Variants in PLOD1 observed in about 807,000 individuals in gnomAD.
PLOD1 encodes procollagen-lysine,2-oxoglutarate 5-dioxygenase 1.
PLOD1 carries 70 observed loss-of-function variants against 94.7 expected under a neutral mutation model. That is an observed-to-expected ratio of 0.74 (90% CI 0.61 to 0.90). PLOD1 has a LOEUF of 0.90. Among genes scored for constraint, PLOD1 ranks in the 40% least tolerant of loss-of-function variants. PLOD1 has a pLI of 0.00. For missense variants in PLOD1, 905 were observed against 972.7 expected (o/e 0.93, Z 0.93); for synonymous variants, 417 against 400.2 (o/e 1.04, Z -0.50).
At chr1:11,965,338 T>C in intron 13 of PLOD1, 142 bp from the exon 14 acceptor site, 1 of 663,062 alleles carries the variant, frequency 1.5e-6, no homozygotes, top group Admixed American at 2.1e-5. Context: ...TAGCGGTGAC[T>C]GCACTTGGTC....
chr1:11,947,832 T>G, intron 1 of PLOD1, 144 bp from the exon 2 acceptor site: 1 of 674,076 alleles, frequency 1.5e-6, no homozygotes, highest in South Asian at 1.7e-5. Context: ...TCTATCATCC[T>G]TTCTTCCCTG....
At chr1:11,950,650 G>C (rs892963663) in intron 4 of PLOD1, 130 bp downstream of exon 4, 3 of 770,532 alleles carry the variant, frequency 3.9e-6, no homozygotes, top group African/African-American at 1.7e-5. Flanking sequence ...CCTGAATAGA[G>C]CTCCTGACTT....
Position 11,964,232 on chromosome 1 carries a change from G to T in PLOD1, c.1260G>T (p.Gly420=). 1 of 1,613,718 alleles carries T rather than the reference G, an allele frequency of 6.2e-7. No individual in the cohort carries two copies. Among genetic ancestry groups the T allele is most frequent in the Non-Finnish European group, 8.5e-7 (1 of 1,179,898 alleles). Residue 420 remains glycine, a synonymous_variant, in exon 12 of 19, where the codon GGG becomes GGT. Coordinates refer to ENST00000196061, the MANE Select transcript of PLOD1 (RefSeq NM_000302.4). ...GGAGGCTGTGGTCGAACTTCTGGGG[G>T]GCTCTCAGTGCAGATGGCTACTATG... The part of the protein sequence containing the change: ...RHGRLWSNFW[G]ALSADGYYAR...
intron 1 of PLOD1, among the ~76,000 whole-genome samples, chr1:11,941,899 G>T (rs933314948): frequency 2.0e-5 from 3 of 152,036 alleles, no homozygotes; most frequent in Non-Finnish European, 4.4e-5. Context: ...GGCCAGGTGG[G>T]ACTTGAATTC....
At chr1:11,946,848 T>C (rs758919737) in intron 1 of PLOD1, among the ~76,000 whole-genome samples, 2 of 152,244 alleles carry the variant, frequency 1.3e-5, no homozygotes, top group African/African-American at 2.4e-5. Flanking sequence ...TTCTGCAGGC[T>C]GTACAAGCAT....
rs2273285 is a variant in PLOD1, at chr1:11,950,412, G to T, written c.358G>T (p.Ala120Ser). The change falls in exon 4 of 19, where the codon GCC becomes TCC. Residue 120 changes from alanine to serine, a missense_variant. Ala to Ser is a moderately conservative substitution (Grantham distance 99). Coordinates refer to ENST00000196061, the MANE Select transcript of PLOD1 (RefSeq NM_000302.4). ...PRELLKKFRQ[A>S]RSQVVFSAEE... ...GGAGCTCCTGAAGAAGTTCCGGCAG[G>T]CCAGGAGCCAGGTGGTCTTCTCTGC... The T allele has an allele frequency of 0.09, 144,992 of 1,613,908 alleles. 8,364 individuals carry two copies. The highest frequency in any genetic ancestry group is 0.29 in the African/African-American group (21,499 of 74,986).
intron 4 of PLOD1, among the ~76,000 whole-genome samples, chr1:11,951,112 A>G (rs1379441848): frequency 2.6e-5 from 4 of 151,808 alleles, no homozygotes; most frequent in East Asian, 1.9e-4. Context: ...CCTACTTCCT[A>G]AAGATCTCTG....
chr1:11,964,658 T>C lies in PLOD1; in HGVS notation c.1343T>C (p.Val448Ala). The C allele has an allele frequency of 6.2e-7, 1 of 1,613,172 alleles. No individual in the cohort carries two copies. Among genetic ancestry groups the C allele is most frequent in the Non-Finnish European group, 8.5e-7 (1 of 1,179,990 alleles). ...VQGRRVGVWNVPYISNIYLIK... is the reference protein window; with the variant it reads ...VQGRRVGVWNAPYISNIYLIK... Reference sequence around the variant, plus strand: ...CTCTCCCACAGTGGTGTCTGGAATGTGCCCTATATTTCAAACATCTACTTG... The same window carrying C: ...CTCTCCCACAGTGGTGTCTGGAATGCGCCCTATATTTCAAACATCTACTTG... Residue 448 changes from valine to alanine, a missense_variant, in exon 13 of 19, where the codon GTG becomes GCG. Val to Ala is a moderately conservative substitution (Grantham distance 64, BLOSUM62 0). Transcript: ENST00000196061.
In PLOD1 at chr1:11,958,543, G is replaced by C. The variant is rs776772692; in HGVS notation, c.871G>C (p.Gly291Arg). ...GDEALPTVLV[G>R]VFIEQPTPFV... Reference sequence around the variant, plus strand: ...TGAAGCTCTGCCCACGGTCCTGGTCGGCGTGTTCATCGAACAGCCCACGCC... The same window carrying C: ...TGAAGCTCTGCCCACGGTCCTGGTCCGCGTGTTCATCGAACAGCCCACGCC... Residue 291 changes from glycine to arginine, a missense_variant, in exon 9 of 19, where the codon GGC becomes CGC. Gly to Arg is a moderately radical substitution (Grantham distance 125). Transcript: ENST00000196061. This position sits in a 1 kb window ranked among gnomAD's most constrained non-coding sequence, Gnocchi z 4.3. The C allele has an allele frequency of 6.2e-7, 1 of 1,613,678 alleles. No individual in the cohort carries two copies. The highest frequency in any genetic ancestry group is 1.3e-5 in the African/African-American group (1 of 74,880).
chr1:11,953,289 C>G (rs890826680), intron 5 of PLOD1, among the ~76,000 whole-genome samples: 1 of 151,742 alleles, frequency 6.6e-6, no homozygotes, highest in Non-Finnish European at 1.5e-5. Context: ...CTCCTGTCCT[C>G]AGGTGATTTA....
intron 2 of PLOD1, 79 bp downstream of exon 2, chr1:11,948,146 C>A: frequency 1.0e-6 from 1 of 983,238 alleles, no homozygotes; most frequent in Non-Finnish European, 1.7e-6. Flanking sequence ...TCCAAACTAC[C>A]ACGTCTCTTA....
At chr1:11,936,273 AGT>A (rs1450328931) in intron 1 of PLOD1, among the ~76,000 whole-genome samples, 3 of 151,982 alleles carry the variant, frequency 2.0e-5, no homozygotes, top group African/African-American at 7.2e-5. Context: ...ATTGGATTGC[AGT>A]GTGTGCCCCA....
chr1:11,952,413 T>C (rs1364443444), intron 4 of PLOD1, among the ~76,000 whole-genome samples: 1 of 152,208 alleles, frequency 6.6e-6, no homozygotes, highest in Non-Finnish European at 1.5e-5. Context: ...CTTGGGGTCA[T>C]TAGGAACTCA....
intron 1 of PLOD1, 92 bp downstream of exon 1, chr1:11,934,947 C>T: frequency 6.9e-7 from 1 of 1,439,900 alleles, no homozygotes; most frequent in East Asian, 2.8e-5. Flanking sequence ...AATGGGAGGC[C>T]TGGGCTGGAG....
chr1:11,969,361 C>T (rs1014249351), intron 16 of PLOD1, among the ~76,000 whole-genome samples: 5 of 152,112 alleles, frequency 3.3e-5, no homozygotes, highest in Admixed American at 2.6e-4. Flanking sequence ...CACATGAGAC[C>T]CTGGACCTGT....
chr1:11,945,476 C>T (rs370775053), intron 1 of PLOD1, among the ~76,000 whole-genome samples: 65 of 151,802 alleles, frequency 4.3e-4, no homozygotes, highest in African/African-American at 1.4e-3. Context: ...CAGAGGGAGC[C>T]ATGGTCCCTT....
chr1:11,964,327 T>TGGTTCCCGGGGGGGGGGGGGGGGGGG, intron 12 of PLOD1, 27 bp downstream of exon 12: 1 of 546,372 alleles, frequency 1.8e-6, no homozygotes, highest in East Asian at 4.8e-5. Context: ...TGGGGGTGGG[T>TGGTTCCCGGGGGGGGGGGGGGGGGGG]GGGGGACACC....
intron 18 of PLOD1, 77 bp downstream of exon 18, chr1:11,973,074 G>A: frequency 6.3e-7 from 1 of 1,576,604 alleles, no homozygotes; most frequent in South Asian, 1.1e-5. Flanking sequence ...CTTCAGGGTG[G>A]TTGAGGCAGA....
chr1:11,949,841 G>C lies in PLOD1; in HGVS notation c.237G>C (p.Arg79=). The change falls in exon 3 of 19, where the codon CGG becomes CGC. Residue 79 remains arginine, a synonymous_variant. Transcript: ENST00000196061. ...GTSAGGGQKV[R]LLKKALEKHA... ...CGGCAGGTGGAGGGCAGAAGGTCCG[G>C]CTGCTGAAGAAAGCTCTGGAGAAGC... The C allele has an allele frequency of 6.2e-7, 1 of 1,613,998 alleles. No homozygotes were observed. The highest frequency in any genetic ancestry group is 8.5e-7 in the Non-Finnish European group (1 of 1,179,870).
Sources: allele counts gnomAD v4.1 joint callset (sites outside exome capture counted in the v4.1 genomes callset), GRCh38; gene constraint gnomAD v4.1.1; non-coding constraint Gnocchi (gnomAD v3.1); transcripts MANE v1.5; gene names NCBI Gene and HGNC (gene_info 2026-07-23, HGNC 2026-07-21).